The following MACROD2 variants were observed in gnomAD, a reference collection of about 807,000 sequenced individuals.
MACROD2 encodes mono-ADP ribosylhydrolase 2.
MACROD2 carries 36 observed loss-of-function variants against 70.4 expected under a neutral mutation model. The ratio of observed to expected loss-of-function variants is 0.51; its 90% CI spans 0.39 to 0.68. The LOEUF is 0.68. MACROD2 is among the 30% of genes least tolerant of loss of function. The pLI is 0.00. For synonymous variants in MACROD2, 172 were observed against 178.8 expected, an observed-to-expected ratio of 0.96 and a Z score of 0.30; for missense variants, 496 against 538.4, an observed-to-expected ratio of 0.92 and a Z score of 0.78.
chr20:14,615,959 G>A (rs1465202733), intron 4 of MACROD2, among the ~76,000 whole-genome samples: 1 of 152,098 alleles, frequency 6.6e-6, no homozygotes, highest in East Asian at 1.9e-4. Context: ...GTCACCAGGG[G>A]ATAGCCTAGT....
chr20:15,969,076 C>T (rs960242366), intron 13 of MACROD2, among the ~76,000 whole-genome samples: 1 of 151,788 alleles, frequency 6.6e-6, no homozygotes, highest in Non-Finnish European at 1.5e-5. Flanking sequence ...GGGTTGAAAC[C>T]CCAAAGATAC....
intron 6 of MACROD2, among the ~76,000 whole-genome samples, chr20:15,330,477 C>A (rs2146189598): frequency 6.6e-6 from 1 of 151,580 alleles, no homozygotes; most frequent in African/African-American, 2.4e-5. Flanking sequence ...AACTGAGCCC[C>A]AATCAAGGTG....
chr20:15,042,055 C>T (rs775975993), intron 5 of MACROD2, among the ~76,000 whole-genome samples: 5 of 151,976 alleles, frequency 3.3e-5, no homozygotes, highest in Non-Finnish European at 7.4e-5. Flanking sequence ...GTTTGGAGCC[C>T]CAAGTCATAA....
intron 5 of MACROD2, among the ~76,000 whole-genome samples, chr20:15,215,128 T>C (rs1751253266): frequency 1.3e-5 from 2 of 152,132 alleles, no homozygotes; most frequent in South Asian, 2.1e-4. Flanking sequence ...TTATAAAAGA[T>C]GAGGTATAAA....
At chr20:15,970,523 G>T (rs559010500) in intron 13 of MACROD2, among the ~76,000 whole-genome samples, 1 of 152,228 alleles carries the variant, frequency 6.6e-6, no homozygotes, top group Non-Finnish European at 1.5e-5. Flanking sequence ...GAAATGAGGT[G>T]AGCCCTGTGA....
chr20:15,967,326 T>A (rs1204265417), intron 12 of MACROD2, among the ~76,000 whole-genome samples: 1 of 152,152 alleles, frequency 6.6e-6, no homozygotes, highest in African/African-American at 2.4e-5. Flanking sequence ...CAAAAAGACA[T>A]CCCAGCTAGC....
At chr20:14,375,720 G>A (rs921834719) in intron 3 of MACROD2, among the ~76,000 whole-genome samples, 5 of 152,104 alleles carry the variant, frequency 3.3e-5, no homozygotes, top group African/African-American at 9.7e-5. Context: ...GATTGTCTCC[G>A]GTTTTGCGTT....
At chr20:15,884,854 G>A (rs1425067180) in intron 9 of MACROD2, among the ~76,000 whole-genome samples, 2 of 151,994 alleles carry the variant, frequency 1.3e-5, no homozygotes, top group African/African-American at 4.8e-5. Context: ...TGGCAGATTC[G>A]GTGTCTGGTG....
chr20:14,930,105 T>A (rs6043001), intron 5 of MACROD2, among the ~76,000 whole-genome samples: 20,995 of 143,312 alleles, frequency 0.15, 1,609 homozygotes, highest in South Asian at 0.2. Flanking sequence ...GAGCTTGCAG[T>A]GAGCCGAGAT....
At chr20:15,630,712 G>C (rs1333100565) in intron 8 of MACROD2, among the ~76,000 whole-genome samples, 5 of 152,190 alleles carry the variant, frequency 3.3e-5, no homozygotes, top group African/African-American at 1.2e-4. Flanking sequence ...CCCTTTGGCC[G>C]TGCACAAAAT....
chr20:15,547,346 G>T (rs1000697569), intron 8 of MACROD2, among the ~76,000 whole-genome samples: 1 of 152,128 alleles, frequency 6.6e-6, no homozygotes, highest in Non-Finnish European at 1.5e-5. Flanking sequence ...AGCTTTTGGC[G>T]CACTCCAAAT....
intron 5 of MACROD2, among the ~76,000 whole-genome samples, chr20:15,110,969 C>G (rs1601088565): frequency 6.6e-6 from 1 of 152,162 alleles, no homozygotes; most frequent in East Asian, 1.9e-4. Flanking sequence ...GCATCCAATA[C>G]TTATTTAATC....
chr20:16,035,016 T>G (rs956412030), intron 15 of MACROD2, among the ~76,000 whole-genome samples: 5 of 146,512 alleles, frequency 3.4e-5, no homozygotes, highest in African/African-American at 1.2e-4. Context: ...CTGAGTAGTA[T>G]TCTATCATAT....
intron 4 of MACROD2, among the ~76,000 whole-genome samples, chr20:14,638,302 C>G (rs1757611652): frequency 1.3e-5 from 2 of 152,052 alleles, no homozygotes. Flanking sequence ...TTAGACATTT[C>G]AGAATTTCTC....
intron 5 of MACROD2, among the ~76,000 whole-genome samples, chr20:15,106,964 G>A (rs1029001167): frequency 8.6e-6 from 1 of 115,858 alleles, no homozygotes; most frequent in African/African-American, 3.9e-5. Flanking sequence ...CACATATTAT[G>A]TATCCCCTAA....
At chr20:14,536,656 T>TGTGTGTGA (rs778906508) in intron 4 of MACROD2, among the ~76,000 whole-genome samples, 3,466 of 147,320 alleles carry the variant, frequency 0.024, 98 homozygotes, top group Non-Finnish European at 0.028. Flanking sequence ...TGTGTGTGTG[T>TGTGTGTGA]GTGTGTGCAT....
intron 8 of MACROD2, among the ~76,000 whole-genome samples, chr20:15,803,994 A>G (rs1366737229): frequency 2.6e-5 from 4 of 152,230 alleles, no homozygotes; most frequent in African/African-American, 7.2e-5. Context: ...TTAGACTCCC[A>G]AAGAAATGTG....
At chr20:15,360,903 A>T (rs6034163) in intron 6 of MACROD2, among the ~76,000 whole-genome samples, 16 of 150,726 alleles carry the variant, frequency 1.1e-4, no homozygotes, top group African/African-American at 3.9e-4. Context: ...TTCTAGTTGG[A>T]CCATTTGTAT....
At chr20:14,122,911 A>G (rs1308025691) in intron 3 of MACROD2, among the ~76,000 whole-genome samples, 1 of 152,144 alleles carries the variant, frequency 6.6e-6, no homozygotes, top group Non-Finnish European at 1.5e-5. Flanking sequence ...TGAGAAATAC[A>G]TCCGTTATAC....
Sources: allele counts gnomAD v4.1 joint callset (sites outside exome capture counted in the v4.1 genomes callset), GRCh38; gene constraint gnomAD v4.1.1; transcripts MANE v1.5; gene names NCBI Gene and HGNC (gene_info 2026-07-23, HGNC 2026-07-21).